The following COL22A1 variants were observed in gnomAD, a reference collection of about 807,000 sequenced individuals.
COL22A1 encodes collagen type XXII alpha 1 chain.
In COL22A1, 221 loss-of-function variants were observed where a neutral mutation model predicts 248.9. That is an observed-to-expected ratio of 0.89 (90% CI 0.80 to 0.99). COL22A1 has a LOEUF of 0.99. Among genes scored for constraint, COL22A1 ranks in the 50% least tolerant of loss-of-function variants. The probability of loss-of-function intolerance (pLI) is 0.00; values close to 1 mark genes in which losing one functional copy is unlikely to be tolerated. For synonymous variants in COL22A1, 891 were observed against 793.4 expected, an observed-to-expected ratio of 1.12 and a Z score of -2.07; for missense variants, 2,240 against 2,179.0, an observed-to-expected ratio of 1.03 and a Z score of -0.56.
intron 53 of COL22A1, among the ~76,000 whole-genome samples, chr8:138,618,022 G>C (rs1001742239): frequency 6.6e-6 from 1 of 152,178 alleles, no homozygotes; most frequent in Non-Finnish European, 1.5e-5. Flanking sequence ...CCCAGAGGAA[G>C]AGACTCTGGT....
At chr8:138,608,552 A>T (rs1276613880) in intron 56 of COL22A1, among the ~76,000 whole-genome samples, 1 of 152,250 alleles carries the variant, frequency 6.6e-6, no homozygotes, top group Non-Finnish European at 1.5e-5. Context: ...CATTCACTCC[A>T]GATTCCAGGA....
At chr8:138,634,922 T>G in intron 49 of COL22A1, 88 bp downstream of exon 49, 1 of 906,954 alleles carries the variant, frequency 1.1e-6, no homozygotes, top group Non-Finnish European at 1.8e-6. Flanking sequence ...ATGAGAGATA[T>G]GCTCAGTGTC....
intron 15 of COL22A1, among the ~76,000 whole-genome samples, chr8:138,776,673 C>T (rs1814491638): frequency 6.6e-6 from 1 of 151,920 alleles, no homozygotes; most frequent in Admixed American, 6.5e-5. Context: ...TACCATGCGT[C>T]ACTTTGTTGA....
intron 60 of COL22A1, among the ~76,000 whole-genome samples, chr8:138,601,676 C>T (rs578195884): frequency 2.0e-5 from 3 of 152,254 alleles, no homozygotes; most frequent in African/African-American, 4.8e-5. Context: ...CTGAGTATAA[C>T]GCCAAGGCAA....
intron 2 of COL22A1, among the ~76,000 whole-genome samples, chr8:138,880,839 T>C (rs546144768): frequency 1.3e-5 from 2 of 152,350 alleles, no homozygotes; most frequent in South Asian, 2.1e-4. Context: ...GAACCCGGCC[T>C]GCAGACTGTA....
chr8:138,768,440 G>A (rs1271643051), intron 16 of COL22A1, among the ~76,000 whole-genome samples: 1 of 152,206 alleles, frequency 6.6e-6, no homozygotes, highest in African/African-American at 2.4e-5. Flanking sequence ...AGAAGGCAGT[G>A]GAAGGGCGTG....
intron 2 of COL22A1, among the ~76,000 whole-genome samples, chr8:138,881,633 C>T (rs995135563): frequency 6.6e-6 from 1 of 152,174 alleles, no homozygotes; most frequent in East Asian, 1.9e-4. Context: ...TGCAGTGAGC[C>T]GAGATCACGC....
Position 138,673,785 on chromosome 8 carries a change from C to T in COL22A1, c.3150+2773G>A, listed in dbSNP as rs372842034. Among the ~76,000 whole-genome samples, 3 of 152,226 alleles carry T rather than the reference C, an allele frequency of 2.0e-5. No individual in the cohort carries two copies. The East Asian group carries it at 5.8e-4, about 30-fold the overall frequency. On this transcript the variant is annotated intron_variant, in intron 41 of 64. Coordinates refer to ENST00000303045, the MANE Select transcript of COL22A1 (RefSeq NM_152888.3). The stretch of plus-strand genomic sequence containing the variant: ...GGTCAGTTCCCTCCTGCCACGTTCC[C>T]TGGGCATGCACCTGCCCAGGGCTTT...
rs746314679 is a variant in COL22A1, at chr8:138,743,144, TTGA to T, written c.2086-5570_2086-5568del. Reference sequence around the variant, plus strand: ...AGTGATTGTGATGGTGATGGTGGAGTTGATGGTGATGGTGGTAGTGATCACGAT... The same window carrying T: ...AGTGATTGTGATGGTGATGGTGGAGTTGGTGATGGTGGTAGTGATCACGAT... On this transcript the variant is annotated intron_variant, in intron 22 of 64. Transcript: ENST00000303045. Among the ~76,000 whole-genome samples the T allele has an allele frequency of 2.4e-4, 30 of 124,392 alleles. No individual in the cohort carries two copies. The East Asian group carries it at 5.9e-3, about 24-fold the overall frequency. The allele number at this position is 124,392 out of a possible 152,430, so 81.6% of individuals were successfully genotyped here.
chr8:138,703,255 A>T (rs368333196), intron 31 of COL22A1, 51 bp downstream of exon 31: 1 of 1,516,328 alleles, frequency 6.6e-7, no homozygotes, highest in African/African-American at 1.4e-5. Context: ...GGGAGTACGA[A>T]TCCCAATATA....
At chr8:138,861,144 T>C (rs1822426285) in intron 3 of COL22A1, among the ~76,000 whole-genome samples, 1 of 152,180 alleles carries the variant, frequency 6.6e-6, no homozygotes. Context: ...TCCTCAGCCC[T>C]GACCCAGGAG....
chr8:138,602,308 T>C (rs2131835666), intron 59 of COL22A1, 149 bp from the exon 60 acceptor site: 2 of 723,882 alleles, frequency 2.8e-6, no homozygotes, highest in East Asian at 2.8e-5. Context: ...GATTTATGCC[T>C]ACATGGTGGG....
intron 43 of COL22A1, among the ~76,000 whole-genome samples, chr8:138,660,976 A>ACT (rs1823869783): frequency 1.8e-5 from 1 of 54,798 alleles, no homozygotes; most frequent in Non-Finnish European, 4.4e-5. Context: ...ACACACACAT[A>ACT]CACACACACA....
chr8:138,806,018 A>G (rs1284842344), intron 10 of COL22A1, among the ~76,000 whole-genome samples: 57 of 3,078 alleles, frequency 0.019, no homozygotes, highest in Middle Eastern at 0.1. Context: ...CGGTGTAGGT[A>G]ATGGTGTGTG....
chr8:138,785,094 T>C (rs1395537178), intron 12 of COL22A1, among the ~76,000 whole-genome samples: 1 of 152,108 alleles, frequency 6.6e-6, no homozygotes, highest in Admixed American at 6.5e-5. Flanking sequence ...TGAGGCAGGT[T>C]GGGGTAGTTC....
intron 17 of COL22A1, among the ~76,000 whole-genome samples, chr8:138,761,333 C>G (rs139627156): frequency 1.5e-3 from 232 of 152,324 alleles, no homozygotes; most frequent in Admixed American, 4.2e-3. Flanking sequence ...GTGGTACATT[C>G]ATACCATAGA....
At chr8:138,813,340 C>T (rs570306587) in intron 7 of COL22A1, among the ~76,000 whole-genome samples, 2 of 152,288 alleles carry the variant, frequency 1.3e-5, no homozygotes, top group South Asian at 4.1e-4. Context: ...TTCCCCCATA[C>T]TGTTCTCATG....
intron 39 of COL22A1, among the ~76,000 whole-genome samples, chr8:138,681,703 C>T (rs1002880728): frequency 1.3e-5 from 2 of 152,310 alleles, no homozygotes; most frequent in Admixed American, 6.5e-5. Context: ...TGCACAAAAT[C>T]CTCCAGAATC....
At chr8:138,851,759 G>A (rs1308158520) in intron 3 of COL22A1, among the ~76,000 whole-genome samples, 2 of 152,122 alleles carry the variant, frequency 1.3e-5, no homozygotes, top group Non-Finnish European at 2.9e-5. Context: ...TTCATCCCAT[G>A]TTTAATGAAC....
Sources: allele counts gnomAD v4.1 joint callset (sites outside exome capture counted in the v4.1 genomes callset), GRCh38; gene constraint gnomAD v4.1.1; transcripts MANE v1.5; gene names NCBI Gene and HGNC (gene_info 2026-07-23, HGNC 2026-07-21).